DACT3: variants seen among roughly 807,000 people sequenced by gnomAD.
DACT3 encodes the protein dapper homolog 3.
Under a neutral mutation model 19.6 loss-of-function variants are expected in DACT3, and 5 were observed. The ratio of observed to expected loss-of-function variants is 0.26; its 90% CI spans 0.13 to 0.54. The LOEUF (loss-of-function observed/expected upper bound fraction) is 0.54. DACT3 is among the 20% of genes least tolerant of loss of function. DACT3 has a pLI of 0.95. For missense variants in DACT3, 908 were observed against 927.4 expected (o/e 0.98, Z 0.27); for synonymous variants, 454 against 428.1 (o/e 1.06, Z -0.75).
At position 46,649,708 on chromosome 19, in the gene DACT3, G is replaced by C; in HGVS notation, c.664C>G (p.His222Asp). 1 of 1,214,208 alleles carries C rather than the reference G, an allele frequency of 8.2e-7. No individual in the cohort carries two copies. The highest frequency in any genetic ancestry group is 1.0e-6 in the Non-Finnish European group (1 of 977,086). 75.2% of individuals were successfully genotyped at this position (1,214,208 alleles called of 1,614,324 possible). Residue 222 changes from histidine (H) to aspartate (D), a missense_variant, in exon 4 of 4, where the codon CAC (histidine) becomes GAC (aspartate). Transcript: ENST00000391916. ...CGCGGGCTGCGCATCGCCACGGCGTGCAGGGGGCTGGGCGTCAGAAAGGGC... is the reference window on the plus strand; with the variant it reads ...CGCGGGCTGCGCATCGCCACGGCGTCCAGGGGGCTGGGCGTCAGAAAGGGC... ...AGPFLTPSPL[H>D]AVAMRSPRPC...
Position 46,660,553 on chromosome 19 carries a change from T to C in DACT3, c.249+263A>G. Reference sequence around the variant, plus strand: ...ATACTTGGCGCCCACAAGGATTTTCTTTGGGGAAGGGGTGTAAGAGACAGG... The same window carrying C: ...ATACTTGGCGCCCACAAGGATTTTCCTTGGGGAAGGGGTGTAAGAGACAGG... On this transcript the variant is annotated intron_variant, in intron 1 of 3. Transcript: ENST00000391916. The surrounding 1 kb of genome is among the most constrained non-coding windows in gnomAD (Gnocchi z 4.9). 1 of 506,720 alleles carries C rather than the reference T, an allele frequency of 2.0e-6. No homozygotes were observed. The highest frequency in any genetic ancestry group is 3.2e-6 in the Non-Finnish European group (1 of 311,522). The allele number at this position is 506,720 out of a possible 1,614,324, so 31.4% of individuals were successfully genotyped here. A position where few individuals can be genotyped will look rare whatever the true frequency, so the allele number is the denominator to read the frequency against.
Position 46,649,358 on chromosome 19 carries a change from C to T in DACT3, c.1014G>A (p.Ala338=). The T allele has an allele frequency of 2.4e-6, 3 of 1,255,758 alleles. No individual in the cohort carries two copies. The highest frequency in any genetic ancestry group is 3.7e-5 in the East Asian group (1 of 27,276). The allele number at this position is 1,255,758 out of a possible 1,614,324, so 77.8% of individuals were successfully genotyped here. The part of the protein sequence containing the change: ...WESEAAPEPA[A]PPAAPSPPDS... ...CGGGGGGTGAGGGGGCGGCGGGCGGCGCAGCGGGCTCGGGTGCCGCCTCCG... is the reference window on the plus strand; with the variant it reads ...CGGGGGGTGAGGGGGCGGCGGGCGGTGCAGCGGGCTCGGGTGCCGCCTCCG... The change falls in exon 4 of 4, where the codon GCG becomes GCA. Residue 338 remains alanine (A), a synonymous_variant. Coordinates refer to ENST00000391916, the MANE Select transcript of DACT3 (RefSeq NM_145056.3).
intron 3 of DACT3, 67 bp downstream of exon 3, chr19:46,652,593 C>A: frequency 6.7e-7 from 1 of 1,492,690 alleles, no homozygotes; most frequent in South Asian, 1.2e-5. Context: ...ATTCGGAAGT[C>A]TGTGCCCACA....
chr19:46,659,558 TTC>T (rs1044449051), intron 1 of DACT3: 1 of 512,384 alleles, frequency 2.0e-6, no homozygotes, highest in African/African-American at 2.1e-5. Context: ...CCACAGCTGT[TTC>T]TGTTTCCAGA....
chr19:46,649,888 C>CAAAA lies in DACT3; in HGVS notation c.500-20_500-17dup. ...CTGGCGTCTCCTAGGGAAGGAAGGC[C>CAAAA]AAAAAAAAAAAAAAAAGAGAGAGTG... is the stretch of plus-strand genomic sequence containing the variant. On this transcript the variant is annotated splice_polypyrimidine_tract_variant and intron_variant, in intron 3 of 3. Coordinates refer to ENST00000391916, the MANE Select transcript of DACT3 (RefSeq NM_145056.3). 8.0e-7 allele frequency: 1 copy of CAAAA among 1,256,398 alleles called. No homozygotes were observed. The highest frequency in any genetic ancestry group is 3.4e-5 in the East Asian group (1 of 29,290). 77.8% of individuals were successfully genotyped at this position (1,256,398 alleles called of 1,614,324 possible).
intron 1 of DACT3, among the ~76,000 whole-genome samples, chr19:46,656,674 A>G (rs1284007300): frequency 6.6e-6 from 1 of 152,216 alleles, no homozygotes; most frequent in African/African-American, 2.4e-5. Context: ...AAGAAATATT[A>G]GATGAAAGAA....
chr19:46,654,499 A>T, intron 1 of DACT3: 1 of 963,356 alleles, frequency 1.0e-6, no homozygotes, highest in South Asian at 4.8e-5. Context: ...AAAAAAAAGG[A>T]AAAAAGAAAA....
At position 46,649,885 on chromosome 19, in the gene DACT3, G is replaced by T. The variant is rs1320769569; in HGVS notation, c.500-13C>A. ...GGACTGGCGTCTCCTAGGGAAGGAA[G>T]GCCAAAAAAAAAAAAAAAAGAGAGA... is the stretch of plus-strand genomic sequence containing the variant. On this transcript the variant is annotated splice_polypyrimidine_tract_variant and intron_variant, in intron 3 of 3. Coordinates refer to ENST00000391916, the MANE Select transcript of DACT3 (RefSeq NM_145056.3). 7.8e-7 allele frequency: 1 copy of T among 1,280,832 alleles called. No individual in the cohort carries two copies. The highest frequency in any genetic ancestry group is 9.7e-7 in the Non-Finnish European group (1 of 1,034,298). 79.3% of individuals were successfully genotyped at this position (1,280,832 alleles called of 1,614,324 possible).
chr19:46,660,493 A>G lies in DACT3; in HGVS notation c.249+323T>C. Reference sequence around the variant, plus strand: ...CCCGTTTCCCAAGCCGCAAGAAGACAACGCCTGCAAAGTACCCGGTCTCGG... The same window carrying G: ...CCCGTTTCCCAAGCCGCAAGAAGACGACGCCTGCAAAGTACCCGGTCTCGG... On this transcript the variant is annotated intron_variant, in intron 1 of 3. Coordinates refer to ENST00000391916, the MANE Select transcript of DACT3 (RefSeq NM_145056.3). The surrounding 1 kb of genome is among the most constrained non-coding windows in gnomAD (Gnocchi z 4.9). 3.2e-6 allele frequency: 1 copy of G among 308,116 alleles called. No homozygotes were observed. The highest frequency in any genetic ancestry group is 6.0e-5 in the East Asian group (1 of 16,638). 19.1% of individuals were successfully genotyped at this position (308,116 alleles called of 1,614,324 possible).
intron 1 of DACT3, chr19:46,659,594 C>T (rs1278316842): frequency 2.0e-5 from 5 of 253,748 alleles, no homozygotes; most frequent in Non-Finnish European, 6.2e-6. Context: ...GGGGGTCCCA[C>T]TCCTGAGAGG....
In DACT3 at chr19:46,648,617, G is replaced by A. The variant is rs750911722; in HGVS notation, c.1755C>T (p.Ala585=). 2.2e-5 allele frequency: 36 copies of A among 1,612,732 alleles called. No homozygotes were observed. The highest frequency in any genetic ancestry group is 1.8e-4 in the Admixed American group (11 of 59,970). ...WPQQLVAATA[A]SGGGAGAGAP... is the part of the protein sequence containing the mutation. The stretch of plus-strand genomic sequence containing the variant: ...CCCCTGCACCTGCTCCACCCCCAGA[G>A]GCCGCGGTGGCCGCCACCAGCTGCT... Residue 585 remains alanine, a synonymous_variant, in exon 4 of 4, where the codon GCC becomes GCT. Transcript: ENST00000391916. The surrounding 1 kb of genome is among the most constrained non-coding windows in gnomAD (Gnocchi z 5.1).
At chr19:46,659,216 G>A in intron 1 of DACT3, 1 of 985,100 alleles carries the variant, frequency 1.0e-6, no homozygotes, top group Non-Finnish European at 1.2e-6. Flanking sequence ...CTGATGCTGG[G>A]ACAAGCTTTG....
Position 46,648,856 on chromosome 19 carries a change from G to A in DACT3, c.1516C>T (p.Pro506Ser), listed in dbSNP as rs1035991464. 3 of 1,451,524 alleles carry A rather than the reference G, an allele frequency of 2.1e-6. No individual in the cohort carries two copies. Among genetic ancestry groups the A allele is most frequent in the Non-Finnish European group, 2.7e-6 (3 of 1,112,762 alleles). The allele number at this position is 1,451,524 out of a possible 1,614,324, so 89.9% of individuals were successfully genotyped here. Residue 506 changes from proline to serine, a missense_variant, in exon 4 of 4, where the codon CCG becomes TCG. Pro to Ser is a moderately conservative substitution (Grantham distance 74, BLOSUM62 -1). This residue lies in a region of DACT3 where 656 missense variants were observed against 601.8 expected (regional missense o/e 1.09). Transcript: ENST00000391916. This position sits in a 1 kb window ranked among gnomAD's most constrained non-coding sequence, Gnocchi z 5.1. ...AGCAGACGACGCTGGGGAGCTGACG[G>A]GGACGGGCCGGGGCCGGGAACACGC... ...AARVPGPGPSPSAPQRRLLYG... is the reference protein window; with the variant it reads ...AARVPGPGPSSSAPQRRLLYG...
At chr19:46,654,435 G>A (rs1365480657) in intron 1 of DACT3, 30 of 737,466 alleles carry the variant, frequency 4.1e-5, no homozygotes, top group Non-Finnish European at 4.6e-5. Context: ...GCAGTGAGCC[G>A]AGATCACACC....
chr19:46,656,911 C>T (rs1176153995), intron 1 of DACT3, among the ~76,000 whole-genome samples: 1 of 152,214 alleles, frequency 6.6e-6, no homozygotes, highest in Non-Finnish European at 1.5e-5. Context: ...AGTTGTATGG[C>T]TAACAAGTTC....
In DACT3 at chr19:46,653,085, T is replaced by C. The variant is rs770974826; in HGVS notation, c.250-10A>G. ...GACCAGGCAGGGCCTCCTGAAGGCA[T>C]AGGGAGAGAAGGATGGTCAGAAGGC... On this transcript the variant is annotated splice_polypyrimidine_tract_variant and intron_variant, in intron 1 of 3. Coordinates refer to ENST00000391916, the MANE Select transcript of DACT3 (RefSeq NM_145056.3). 38 of 1,550,756 alleles carry C rather than the reference T, an allele frequency of 2.5e-5. No individual in the cohort carries two copies. The highest frequency in any genetic ancestry group is 2.1e-4 in the African/African-American group (15 of 73,030).
chr19:46,654,734 G>C (rs1331269297), intron 1 of DACT3: 1 of 985,338 alleles, frequency 1.0e-6, no homozygotes, highest in East Asian at 1.1e-4. Flanking sequence ...GCAGGAGGGA[G>C]GGAAGTGGGG....
In DACT3 at chr19:46,660,811, C is replaced by T; in HGVS notation, c.249+5G>A. ...GGAGGGACGGACGGACAGGCAGCCCCTTACCAGCTGCTCCTCCAGGGCCGC... is the reference window on the plus strand; with the variant it reads ...GGAGGGACGGACGGACAGGCAGCCCTTTACCAGCTGCTCCTCCAGGGCCGC... On this transcript the variant is annotated splice_donor_5th_base_variant and intron_variant, in intron 1 of 3. Coordinates refer to ENST00000391916, the MANE Select transcript of DACT3 (RefSeq NM_145056.3). The surrounding 1 kb of genome is among the most constrained non-coding windows in gnomAD (Gnocchi z 4.9). 1.3e-6 allele frequency: 2 copies of T among 1,497,822 alleles called. No homozygotes were observed. Among genetic ancestry groups the T allele is most frequent in the Non-Finnish European group, 1.8e-6 (2 of 1,129,502 alleles). 92.8% of individuals were successfully genotyped at this position (1,497,822 alleles called of 1,614,324 possible).
intron 3 of DACT3, chr19:46,650,421 CT>C (rs1197078537): frequency 2.2e-4 from 32 of 145,676 alleles, no homozygotes; most frequent in Non-Finnish European, 2.4e-4. Context: ...TGCGCCTGGC[CT>C]TTTTTTTTTA....
Sources: allele counts gnomAD v4.1 joint callset (sites outside exome capture counted in the v4.1 genomes callset), GRCh38; gene constraint gnomAD v4.1.1; regional missense constraint gnomAD v4.1.1; non-coding constraint Gnocchi (gnomAD v3.1); transcripts MANE v1.5; gene names NCBI Gene and HGNC (gene_info 2026-07-23, HGNC 2026-07-21).